DLC1: variants seen among roughly 807,000 people sequenced by gnomAD.
DLC1 encodes the protein DLC1 Rho GTPase activating protein.
DLC1 carries 54 observed loss-of-function variants against 140.3 expected under a neutral mutation model. The observed-to-expected ratio is 0.38, with a 90% CI of 0.31 to 0.48. The LOEUF is 0.48. DLC1 is among the 20% of genes least tolerant of loss of function. The probability of loss-of-function intolerance (pLI) is 0.96; values close to 1 mark genes in which losing one functional copy is unlikely to be tolerated. For synonymous variants in DLC1, 986 were observed against 728.1 expected, an observed-to-expected ratio of 1.35 and a Z score of -5.70; for missense variants, 2,536 against 1,907.0, an observed-to-expected ratio of 1.33 and a Z score of -6.14.
chr8:13,220,395 A>AAT (rs1256862293), intron 5 of DLC1, among the ~76,000 whole-genome samples: 2 of 152,176 alleles, frequency 1.3e-5, no homozygotes, highest in Non-Finnish European at 2.9e-5. Flanking sequence ...ACAAGTGGGG[A>AAT]TCAGGTGGAA....
At chr8:13,195,108 G>A (rs905619359) in intron 5 of DLC1, among the ~76,000 whole-genome samples, 1 of 152,112 alleles carries the variant, frequency 6.6e-6, no homozygotes, top group African/African-American at 2.4e-5. Context: ...TTTTCCCTTT[G>A]ATTTGGCTAT....
At chr8:13,401,152 C>T (rs1198307210) in intron 3 of DLC1, among the ~76,000 whole-genome samples, 1 of 152,172 alleles carries the variant, frequency 6.6e-6, no homozygotes, top group South Asian at 2.1e-4. Flanking sequence ...CTAACAGAGT[C>T]TCTCTCGTAT....
chr8:13,495,106 G>T (rs1185931029), intron 2 of DLC1, among the ~76,000 whole-genome samples: 1 of 152,010 alleles, frequency 6.6e-6, no homozygotes, highest in African/African-American at 2.4e-5. Flanking sequence ...AGTTTATTTT[G>T]CTTTGTAATA....
In DLC1 at chr8:13,100,488, G is replaced by C. The variant is rs780178178; in HGVS notation, c.1849C>G (p.Arg617Gly). 1 of 1,612,438 alleles carries C rather than the reference G, an allele frequency of 6.2e-7. No homozygotes were observed. Among genetic ancestry groups the C allele is most frequent in the South Asian group, 1.1e-5 (1 of 91,082 alleles). The change falls in exon 9 of 18, where the codon CGG becomes GGG. Residue 617 changes from arginine (R) to glycine (G), a missense_variant. Arg to Gly is a moderately radical substitution (Grantham distance 125, BLOSUM62 -2). Transcript: ENST00000276297. The part of the protein sequence containing the change: ...APPSEDAATP[R>G]TNSVISVCSS... ...CAAACGCTGATGACGGAGTTAGTCC[G>C]GGGGGTGGCAGCATCCTCGCTGGGG...
chr8:13,447,284 T>G (rs1563354520), intron 2 of DLC1, among the ~76,000 whole-genome samples: 1 of 152,218 alleles, frequency 6.6e-6, no homozygotes, highest in Non-Finnish European at 1.5e-5. Flanking sequence ...ACTAAATATT[T>G]TTTGTGTGTT....
intron 5 of DLC1, among the ~76,000 whole-genome samples, chr8:13,153,424 C>A (rs1823992575): frequency 6.6e-6 from 1 of 152,182 alleles, no homozygotes; most frequent in Non-Finnish European, 1.5e-5. Flanking sequence ...GCAGTGTGGA[C>A]CCAAAGAGCG....
chr8:13,542,895 A>C (rs1032278159), intron 1 of DLC1, among the ~76,000 whole-genome samples: 9 of 152,114 alleles, frequency 5.9e-5, no homozygotes, highest in African/African-American at 1.7e-4. Flanking sequence ...TACCTAGATA[A>C]TTACGTAGTC....
chr8:13,334,620 G>T (rs1352996350), intron 4 of DLC1, among the ~76,000 whole-genome samples: 1 of 152,128 alleles, frequency 6.6e-6, no homozygotes, highest in African/African-American at 2.4e-5. Flanking sequence ...GAGTTATTTT[G>T]TAGATAAAGT....
intron 5 of DLC1, among the ~76,000 whole-genome samples, chr8:13,120,324 CAGAA>C (rs1820935179): frequency 2.1e-5 from 1 of 47,236 alleles, no homozygotes; most frequent in Non-Finnish European, 5.7e-5. Context: ...ACCTGGATGA[CAGAA>C]AGAGACTCCG....
chr8:13,501,688 C>G (rs747293557), intron 1 of DLC1, among the ~76,000 whole-genome samples: 1 of 152,182 alleles, frequency 6.6e-6, no homozygotes, highest in African/African-American at 2.4e-5. Context: ...GTATCCCAGC[C>G]TGACCAAGTA....
intron 1 of DLC1, chr8:13,567,667 C>G (rs796474325): frequency 2.6e-6 from 4 of 1,551,722 alleles, no homozygotes; most frequent in Non-Finnish European, 3.5e-6. Flanking sequence ...GGAGTCATTT[C>G]TACTCCAAGA....
intron 1 of DLC1, among the ~76,000 whole-genome samples, chr8:13,583,429 G>A (rs186572477): frequency 6.6e-6 from 1 of 152,144 alleles, no homozygotes; most frequent in African/African-American, 2.4e-5. Context: ...CAAGATTGCA[G>A]CAAGTCAATC....
intron 5 of DLC1, among the ~76,000 whole-genome samples, chr8:13,289,855 C>T (rs1453743188): frequency 6.6e-6 from 1 of 152,154 alleles, no homozygotes; most frequent in Non-Finnish European, 1.5e-5. Context: ...GCCATGTCTG[C>T]ATATGGAATT....
chr8:13,384,217 G>T (rs895782107), intron 4 of DLC1, among the ~76,000 whole-genome samples: 1 of 152,174 alleles, frequency 6.6e-6, no homozygotes, highest in African/African-American at 2.4e-5. Flanking sequence ...GAACTTTCCT[G>T]TTCTTGCAAG....
At chr8:13,133,159 T>C in intron 5 of DLC1, 1 of 1,442,490 alleles carries the variant, frequency 6.9e-7, no homozygotes, top group Non-Finnish European at 9.1e-7. Flanking sequence ...CGGGGTTTTC[T>C]AAAGATCGAA....
intron 4 of DLC1, chr8:13,339,742 T>C (rs1192171120): frequency 6.6e-6 from 1 of 152,218 alleles, no homozygotes; most frequent in Non-Finnish European, 1.5e-5. Context: ...CACAAAGAGA[T>C]TGTGATTCTC....
Position 13,230,448 on chromosome 8 carries a change from G to T in DLC1, c.1348+74821C>A, listed in dbSNP as rs568552916. Among the ~76,000 whole-genome samples, 4 of 152,256 alleles carry T rather than the reference G, an allele frequency of 2.6e-5. No individual in the cohort carries two copies. In the South Asian group the frequency reaches 8.3e-4, roughly 32 times the overall value. ...AAAGCAAACGATAAAGCAAGGTTAGGTGGCATGAATCCAGGAGAGCTAATA... is the reference window on the plus strand; with the variant it reads ...AAAGCAAACGATAAAGCAAGGTTAGTTGGCATGAATCCAGGAGAGCTAATA... On this transcript the variant is annotated intron_variant, in intron 5 of 17. Transcript: ENST00000276297.
At chr8:13,603,938 A>C (rs2117509214) in intron 1 of DLC1, among the ~76,000 whole-genome samples, 1 of 152,218 alleles carries the variant, frequency 6.6e-6, no homozygotes, top group East Asian at 1.9e-4. Context: ...TGTTTGGTAC[A>C]TTAGCTAATT....
At chr8:13,136,538 C>G (rs1390717996) in intron 5 of DLC1, among the ~76,000 whole-genome samples, 1 of 152,182 alleles carries the variant, frequency 6.6e-6, no homozygotes, top group Non-Finnish European at 1.5e-5. Context: ...GAGATCATCT[C>G]GCCCTGTTGC....
Sources: gnomAD v4.1 joint callset for allele counts (sites outside exome capture counted in the v4.1 genomes callset) on GRCh38, gnomAD v4.1.1 for gene constraint, MANE v1.5 for transcripts, NCBI Gene and HGNC (gene_info 2026-07-23, HGNC 2026-07-21) for gene names.